The following SEMA6C variants were observed in gnomAD, a reference collection of about 807,000 sequenced individuals.
SEMA6C encodes semaphorin 6C.
A neutral mutation model predicts 72.9 loss-of-function variants in SEMA6C; 37 were observed. That is an observed-to-expected ratio of 0.51 (90% CI 0.39 to 0.67). SEMA6C has a LOEUF of 0.67. SEMA6C is among the 30% of genes least tolerant of loss of function. The pLI is 0.00. For synonymous variants in SEMA6C, 578 were observed against 554.1 expected (o/e 1.04, Z -0.61); for missense variants, 1,189 against 1,263.6 (o/e 0.94, Z 0.89).
At chr1:151,143,911 C>G (rs1682752928) in intron 2 of SEMA6C, among the ~76,000 whole-genome samples, 1 of 152,156 alleles carries the variant, frequency 6.6e-6, no homozygotes, top group South Asian at 2.1e-4. Flanking sequence ...GCTTCCAGGC[C>G]AAGCCCCCTT....
chr1:151,138,280 G>C, intron 8 of SEMA6C, 36 bp downstream of exon 8: 1 of 1,606,908 alleles, frequency 6.2e-7, no homozygotes, highest in Non-Finnish European at 8.5e-7. Flanking sequence ...GCTCCCTCCA[G>C]CCACATGCTT....
intron 9 of SEMA6C, 90 bp downstream of exon 9, chr1:151,137,896 A>G (rs1324470041): frequency 1.3e-6 from 2 of 1,582,944 alleles, no homozygotes; most frequent in Non-Finnish European, 1.7e-6. Context: ...ATACATACAC[A>G]CTACCACACC....
rs1681729229 is a variant in SEMA6C at position 151,133,300 on chromosome 1, A to C, written c.1977T>G (p.Gly659=). 6.3e-7 allele frequency: 1 copy of C among 1,578,958 alleles called. No individual in the cohort carries two copies. The highest frequency in any genetic ancestry group is 8.6e-7 in the Non-Finnish European group (1 of 1,166,862). The change falls in exon 19 of 19, where the codon GGT becomes GGG. Residue 659 remains glycine (G), a synonymous_variant. Coordinates refer to ENST00000368914, the MANE Select transcript of SEMA6C (RefSeq NM_030913.6). This position sits in a 1 kb window ranked among gnomAD's most constrained non-coding sequence, Gnocchi z 5.9. ...LSLRSLARLH[G]GGPEPPPPSK... is the part of the protein sequence containing the mutation. ...AGGGCGGCGGGGGCTCTGGGCCCCC[A>C]CCGTGGAGCCGGGCCAAACTGCGGA...
rs772706332 is a variant in SEMA6C at position 151,136,978 on chromosome 1, G to A, written c.853C>T (p.Leu285Phe). Residue 285 changes from leucine (L) to phenylalanine (F), a missense_variant, in exon 11 of 19, where the codon CTC (leucine) becomes TTC (phenylalanine). By Grantham distance (22) the Leu-to-Phe change is conservative (BLOSUM62 0). Around this residue, in one of 2 missense-constraint regions of SEMA6C, gnomAD observed 468 missense variants for 577.4 expected, o/e 0.81. Coordinates refer to ENST00000368914, the MANE Select transcript of SEMA6C (RefSeq NM_030913.6). ...GAGTCCCCAGGGACAGAGCAGTTGA[G>A]CCGAAGCTTCAGGAAGGATGTCCAG... ...RHWTSFLKLR[L>F]NCSVPGDSTF... 3 of 1,614,202 alleles carry A rather than the reference G, an allele frequency of 1.9e-6. No homozygotes were observed. In the South Asian group the frequency reaches 3.3e-5, roughly 18 times the overall value.
chr1:151,134,904 G>T (rs200163191), intron 15 of SEMA6C, 29 bp from the exon 16 acceptor site: 14 of 1,593,094 alleles, frequency 8.8e-6, no homozygotes, highest in Middle Eastern at 1.7e-4. Context: ...TGTGAGGCTG[G>T]ATCCCTTTCT....
intron 15 of SEMA6C, 43 bp downstream of exon 15, chr1:151,135,120 G>T: frequency 6.2e-7 from 1 of 1,603,522 alleles, no homozygotes; most frequent in Non-Finnish European, 8.5e-7. Context: ...TTGCTGGCCC[G>T]GGGAGCTTGC....
At chr1:151,139,922 A>T in intron 4 of SEMA6C, 54 bp downstream of exon 4, 1 of 1,539,434 alleles carries the variant, frequency 6.5e-7, no homozygotes. Context: ...ACAGGTCCCA[A>T]GTCTGCCCAG....
chr1:151,142,614 C>G lies in SEMA6C; in HGVS notation c.8G>C (p.Arg3Pro). Residue 3 changes from arginine (R) to proline (P), a missense_variant, in exon 3 of 19, where the codon CGT (arginine) becomes CCT (proline). Coordinates refer to ENST00000368914, the MANE Select transcript of SEMA6C (RefSeq NM_030913.6). MPRAPHFMPLLLL... is the reference protein window; with the variant it reads MPPAPHFMPLLLL... Reference sequence around the variant, plus strand: ...CAGCAAGGGCATGAAGTGGGGGGCACGGGGCATCCTGTGCGGGGCAGCTCA... The same window carrying G: ...CAGCAAGGGCATGAAGTGGGGGGCAGGGGGCATCCTGTGCGGGGCAGCTCA... The G allele has an allele frequency of 6.3e-7, 1 of 1,581,306 alleles. No individual in the cohort carries two copies. Among genetic ancestry groups the G allele is most frequent in the Non-Finnish European group, 8.6e-7 (1 of 1,164,434 alleles).
chr1:151,141,760 T>G (rs1259892699), intron 3 of SEMA6C, among the ~76,000 whole-genome samples: 89 of 106,534 alleles, frequency 8.4e-4, no homozygotes, highest in South Asian at 2.8e-3. Flanking sequence ...AGAGATGGGA[T>G]GGGGGTTGGG....
Position 151,142,571 on chromosome 1 carries a change from G to GAGC in SEMA6C, c.48_50dup (p.Leu17dup). ...AGGCGGCCTGAGTATGGGGAAGTGA[G>GAGC]AGCAGCAGCAGCAGTAGCAGCAAGG... On this transcript the variant is annotated inframe_insertion, in exon 3 of 19. Coordinates refer to ENST00000368914, the MANE Select transcript of SEMA6C (RefSeq NM_030913.6). 1 of 1,609,036 alleles carries GAGC rather than the reference G, an allele frequency of 6.2e-7. No homozygotes were observed. The highest frequency in any genetic ancestry group is 8.5e-7 in the Non-Finnish European group (1 of 1,177,312).
In SEMA6C at chr1:151,133,618, C is replaced by T. The variant is rs1362122822; in HGVS notation, c.1760-101G>A. 3 of 1,429,980 alleles carry T rather than the reference C, an allele frequency of 2.1e-6. No homozygotes were observed. Among genetic ancestry groups the T allele is most frequent in the East Asian group, 5.1e-5 (2 of 39,470 alleles). The allele number at this position is 1,429,980 out of a possible 1,614,324, so 88.6% of individuals were successfully genotyped here. A position where few individuals can be genotyped will look rare whatever the true frequency, so the allele number is the denominator to read the frequency against. ...AGTTCCCAGGCCTGACATCATCGTC[C>T]CTCCCGCTGCTACTCAGCCTCACTC... On this transcript the variant is annotated intron_variant, in intron 18 of 18. Transcript: ENST00000368914. The surrounding 1 kb of genome is among the most constrained non-coding windows in gnomAD (Gnocchi z 5.9).
At chr1:151,140,998 G>A (rs201930779) in intron 3 of SEMA6C, among the ~76,000 whole-genome samples, 10 of 147,384 alleles carry the variant, frequency 6.8e-5, no homozygotes, top group African/African-American at 1.5e-4. Flanking sequence ...ACTCCGTCTC[G>A]AAAAAAAAAA....
rs1681952744 is a variant in SEMA6C, at chr1:151,135,607, C to T, written c.1417G>A (p.Ala473Thr). Reference sequence around the variant, plus strand: ...AGGCCTCACCGGGCAGGGCTGTAGGCATCAATCTCTTCCAGGAGGATGGGC... The same window carrying T: ...AGGCCTCACCGGGCAGGGCTGTAGGTATCAATCTCTTCCAGGAGGATGGGC... ...PEPILLEEIDAYSPARCSGKR... is the reference protein window; with the variant it reads ...PEPILLEEIDTYSPARCSGKR... The change falls in exon 14 of 19, where the codon GCC becomes ACC. Residue 473 changes from alanine to threonine, a missense_variant. Physicochemically the swap from Ala to Thr is moderately conservative, Grantham distance 58 (BLOSUM62 0). This residue lies in a region of SEMA6C where 721 missense variants were observed against 686.2 expected (regional missense o/e 1.05). Coordinates refer to ENST00000368914, the MANE Select transcript of SEMA6C (RefSeq NM_030913.6). The T allele has an allele frequency of 1.2e-6, 2 of 1,613,774 alleles. No homozygotes were observed. Among genetic ancestry groups the T allele is most frequent in the Admixed American group, 1.7e-5 (1 of 59,992 alleles).
chr1:151,134,471 T>C (rs1558179649), intron 17 of SEMA6C, 26 bp from the exon 18 acceptor site: 1 of 1,608,640 alleles, frequency 6.2e-7, no homozygotes, highest in Non-Finnish European at 8.5e-7. Flanking sequence ...AGGGTGAAGA[T>C]GGGGGGAAAG....
Position 151,133,872 on chromosome 1 carries a change from C to T in SEMA6C, c.1760-355G>A. ...GGCTCCAAACAGGCGTTAGTGAGCA[C>T]CAAACACCATTCAGTGAGGGGCTTA... On this transcript the variant is annotated intron_variant, in intron 18 of 18. Transcript: ENST00000368914. This position sits in a 1 kb window ranked among gnomAD's most constrained non-coding sequence, Gnocchi z 5.9. 8.4e-7 allele frequency: 1 copy of T among 1,196,884 alleles called. No individual in the cohort carries two copies. Among genetic ancestry groups the T allele is most frequent in the Non-Finnish European group, 1.2e-6 (1 of 837,770 alleles). 74.1% of individuals were successfully genotyped at this position (1,196,884 alleles called of 1,614,324 possible). A position where few individuals can be genotyped will look rare whatever the true frequency, so the allele number is the denominator to read the frequency against.
chr1:151,140,790 C>T (rs900187372), intron 3 of SEMA6C, among the ~76,000 whole-genome samples: 6 of 152,230 alleles, frequency 3.9e-5, no homozygotes, highest in East Asian at 3.9e-4. Flanking sequence ...GTCAGGAGAT[C>T]GAGACCATCC....
At position 151,133,905 on chromosome 1, in the gene SEMA6C, C is replaced by T; in HGVS notation, c.1760-388G>A. On this transcript the variant is annotated intron_variant, in intron 18 of 18. Transcript: ENST00000368914. The surrounding 1 kb of genome is among the most constrained non-coding windows in gnomAD (Gnocchi z 5.9). ...CATTCAGTGAGGGGCTTAGAACGCTCCGAGAATCAGCAGCCCCACACTTCA... is the reference window on the plus strand; with the variant it reads ...CATTCAGTGAGGGGCTTAGAACGCTTCGAGAATCAGCAGCCCCACACTTCA... The T allele has an allele frequency of 2.1e-6, 3 of 1,412,118 alleles. No homozygotes were observed. The South Asian group carries it at 3.7e-5, about 17-fold the overall frequency. 87.5% of individuals were successfully genotyped at this position (1,412,118 alleles called of 1,614,324 possible). A position where few individuals can be genotyped will look rare whatever the true frequency, so the allele number is the denominator to read the frequency against.
rs1029706446 is a variant in SEMA6C, at chr1:151,137,877, C to T, written c.668-78G>A. ...GAAGCTCCTGGCCCCACACCGCTCT[C>T]CCCATTGCATACATACACACTACCA... is the stretch of plus-strand genomic sequence containing the variant. On this transcript the variant is annotated intron_variant, in intron 9 of 18. Transcript: ENST00000368914. 1.5e-5 allele frequency: 23 copies of T among 1,579,580 alleles called. No homozygotes were observed. The Admixed American group carries it at 3.1e-4, about 21-fold the overall frequency.
Position 151,134,891 on chromosome 1 carries a change from G to A in SEMA6C, c.1581-16C>T. ...CAAACAGCTCCTAGGGAAAACGGAG[G>A]TGTGTGAGGCTGGATCCCTTTCTAC... On this transcript the variant is annotated splice_polypyrimidine_tract_variant and intron_variant, in intron 15 of 18. Coordinates refer to ENST00000368914, the MANE Select transcript of SEMA6C (RefSeq NM_030913.6). 6.2e-7 allele frequency: 1 copy of A among 1,608,972 alleles called. No individual in the cohort carries two copies. The highest frequency in any genetic ancestry group is 1.7e-5 in the Admixed American group (1 of 60,016).
Sources: allele counts gnomAD v4.1 joint callset (sites outside exome capture counted in the v4.1 genomes callset), GRCh38; gene constraint gnomAD v4.1.1; regional missense constraint gnomAD v4.1.1; non-coding constraint Gnocchi (gnomAD v3.1); transcripts MANE v1.5; gene names NCBI Gene and HGNC (gene_info 2026-07-23, HGNC 2026-07-21).